PCCA: variants seen among roughly 807,000 people sequenced by gnomAD.
PCCA encodes propionyl-CoA carboxylase subunit alpha.
In PCCA, 74 loss-of-function variants were observed where a neutral mutation model predicts 101.3. That is an observed-to-expected ratio of 0.73 (90% CI 0.61 to 0.89). PCCA has a LOEUF of 0.89. Ranked by LOEUF, PCCA falls within the 40% of genes least tolerant of loss-of-function variation. PCCA has a pLI of 0.00. For missense variants in PCCA, 891 were observed against 907.0 expected, an observed-to-expected ratio of 0.98 and a Z score of 0.23; for synonymous variants, 294 against 313.6, an observed-to-expected ratio of 0.94 and a Z score of 0.66.
chr13:100,406,507 C>A (rs1309071204), intron 19 of PCCA, among the ~76,000 whole-genome samples: 1 of 152,148 alleles, frequency 6.6e-6, no homozygotes, highest in Non-Finnish European at 1.5e-5. Context: ...GAGTTCGAGA[C>A]CAGCCTGACC....
chr13:100,265,472 G>A (rs1019930346), intron 10 of PCCA, among the ~76,000 whole-genome samples: 1 of 152,042 alleles, frequency 6.6e-6, no homozygotes, highest in Non-Finnish European at 1.5e-5. Flanking sequence ...TAAATGTATT[G>A]TTTTTCTGCA....
intron 19 of PCCA, among the ~76,000 whole-genome samples, chr13:100,396,449 T>C (rs1212887975): frequency 1.3e-5 from 2 of 152,238 alleles, no homozygotes; most frequent in Non-Finnish European, 2.9e-5. Flanking sequence ...AAAACACGGA[T>C]ATTTTGCTTT....
In PCCA at chr13:100,115,991, C is replaced by T. The variant is rs767934206; in HGVS notation, c.300+3930C>T. The stretch of plus-strand genomic sequence containing the variant: ...AGCAGGATAATGATGGTGGGAATGT[C>T]AAAAGTTTCATTTAAACCTCAACAG... On this transcript the variant is annotated intron_variant, in intron 4 of 23. Transcript: ENST00000376285. 3.0e-4 allele frequency among the ~76,000 whole-genome samples: 45 copies of T among 152,072 alleles called. No homozygotes were observed. Among genetic ancestry groups the T allele is most frequent in the Non-Finnish European group, 5.1e-4 (35 of 67,994 alleles).
chr13:100,174,217 G>A (rs1376416194), intron 6 of PCCA, among the ~76,000 whole-genome samples: 2 of 151,866 alleles, frequency 1.3e-5, no homozygotes, highest in Non-Finnish European at 2.9e-5. Flanking sequence ...CTAATCACAT[G>A]CCAGTAGGAG....
At position 100,340,201 on chromosome 13, in the gene PCCA, GCAT is replaced by G; in HGVS notation, c.1592_1594del (p.Ser531del). 1 of 1,611,532 alleles carries G rather than the reference GCAT, an allele frequency of 6.2e-7. No homozygotes were observed. The highest frequency in any genetic ancestry group is 1.1e-5 in the South Asian group (1 of 91,046). On this transcript the variant is annotated inframe_deletion, in exon 18 of 24. Coordinates refer to ENST00000376285, the MANE Select transcript of PCCA (RefSeq NM_000282.4). Reference sequence around the variant, plus strand: ...TGAGAAGAACCAGTTATTGGCAATAGCATCATCATTGTTTGTGGCATTCCAGTT... The same window carrying G: ...TGAGAAGAACCAGTTATTGGCAATAGCATCATTGTTTGTGGCATTCCAGTT...
intron 6 of PCCA, among the ~76,000 whole-genome samples, chr13:100,159,011 T>G (rs931384604): frequency 2.0e-5 from 3 of 148,656 alleles, no homozygotes; most frequent in African/African-American, 7.3e-5. Flanking sequence ...GTTAATACAT[T>G]TATTTATTTT....
chr13:100,240,523 C>G (rs1298921), intron 8 of PCCA, among the ~76,000 whole-genome samples: 21,726 of 152,030 alleles, frequency 0.14, 1,716 homozygotes, highest in Middle Eastern at 0.22. Context: ...TACTGCCACC[C>G]AGTCATTCTC....
Position 100,458,445 on chromosome 13 carries a change from A to G in PCCA, c.1899+9140A>G, listed in dbSNP as rs1323525450. 6.5e-3 allele frequency among the ~76,000 whole-genome samples: 123 copies of G among 18,916 alleles called. 1 individual carries two copies. The East Asian group carries it at 0.2, about 31-fold the overall frequency. 12.4% of individuals were successfully genotyped at this position (18,916 alleles called of 152,430 possible). On this transcript the variant is annotated intron_variant, in intron 21 of 23. Coordinates refer to ENST00000376285, the MANE Select transcript of PCCA (RefSeq NM_000282.4). ...CGCGCACACACACACACACATACACACACACACACACACACACACACACAC... is the reference window on the plus strand; with the variant it reads ...CGCGCACACACACACACACATACACGCACACACACACACACACACACACAC...
At chr13:100,268,526 G>C (rs1372366763) in intron 10 of PCCA, 163 bp from the exon 11 acceptor site, 1 of 716,920 alleles carries the variant, frequency 1.4e-6, no homozygotes, top group Non-Finnish European at 2.6e-6. Flanking sequence ...AATAAATATA[G>C]TTTTCCTTTG....
intron 21 of PCCA, among the ~76,000 whole-genome samples, chr13:100,476,243 C>G (rs2083412720): frequency 6.6e-6 from 1 of 152,184 alleles, no homozygotes; most frequent in South Asian, 2.1e-4. Context: ...TTTAAACCAA[C>G]TACTAATATT....
At chr13:100,525,269 T>C (rs553677889) in intron 22 of PCCA, among the ~76,000 whole-genome samples, 1 of 152,332 alleles carries the variant, frequency 6.6e-6, no homozygotes, top group East Asian at 1.9e-4. Flanking sequence ...ACAGAAGGAC[T>C]ATTTGAATTT....
rs189741647 is a variant in PCCA at position 100,244,231 on chromosome 13, A to T, written c.637+8353A>T. ...TATGTGAAATCCATTAAATAATGAG[A>T]TGTATATTTTGCTGTTTTCCTATTA... On this transcript the variant is annotated intron_variant, in intron 8 of 23. Coordinates refer to ENST00000376285, the MANE Select transcript of PCCA (RefSeq NM_000282.4). 4.9e-3 allele frequency among the ~76,000 whole-genome samples: 749 copies of T among 152,318 alleles called. 4 individuals carry two copies. The highest frequency in any genetic ancestry group is 6.6e-3 in the South Asian group (32 of 4,832).
intron 7 of PCCA, among the ~76,000 whole-genome samples, chr13:100,232,384 G>GTGTGTGTGTGTGTT (rs1446278935): frequency 2.0e-5 from 3 of 151,178 alleles, no homozygotes; most frequent in African/African-American, 7.3e-5. Flanking sequence ...GTGTGTGTGT[G>GTGTGTGTGTGTGTT]TGTGTGTGGT....
intron 8 of PCCA, among the ~76,000 whole-genome samples, chr13:100,251,505 A>T (rs2061752483): frequency 6.6e-6 from 1 of 152,244 alleles, no homozygotes; most frequent in African/African-American, 2.4e-5. Flanking sequence ...GAAACAACAA[A>T]GAAGACAGGC....
intron 6 of PCCA, among the ~76,000 whole-genome samples, chr13:100,205,098 T>G (rs566140842): frequency 6.6e-6 from 1 of 152,302 alleles, no homozygotes; most frequent in South Asian, 2.1e-4. Flanking sequence ...GGAAACAAAT[T>G]TAGTTGCTAT....
At chr13:100,206,721 C>T (rs1218755117) in intron 6 of PCCA, among the ~76,000 whole-genome samples, 1 of 152,162 alleles carries the variant, frequency 6.6e-6, no homozygotes, top group African/African-American at 2.4e-5. Flanking sequence ...GAGAAAACAG[C>T]AGAAGCACGA....
At chr13:100,384,733 A>C (rs1012687844) in intron 19 of PCCA, among the ~76,000 whole-genome samples, 2 of 152,190 alleles carry the variant, frequency 1.3e-5, no homozygotes, top group African/African-American at 4.8e-5. Context: ...TCAGTAAACA[A>C]GGTGAGTTAA....
chr13:100,321,484 T>G (rs1056526221), intron 16 of PCCA, among the ~76,000 whole-genome samples: 3 of 152,020 alleles, frequency 2.0e-5, no homozygotes, highest in Admixed American at 6.6e-5. Flanking sequence ...AAAAACTTAT[T>G]AAAGCCCTCT....
At chr13:100,236,465 C>T (rs1468878938) in intron 8 of PCCA, 84 of 144,050 alleles carry the variant, frequency 5.8e-4, no homozygotes, top group African/African-American at 1.5e-3. Flanking sequence ...CTTTTCTTTC[C>T]TTTTTTTTTT....
Sources: allele counts gnomAD v4.1 joint callset (sites outside exome capture counted in the v4.1 genomes callset), GRCh38; gene constraint gnomAD v4.1.1; transcripts MANE v1.5; gene names NCBI Gene and HGNC (gene_info 2026-07-23, HGNC 2026-07-21).